Variants in STRA6 observed in about 807,000 individuals in gnomAD.
The protein encoded by STRA6 is signaling receptor and transporter of retinol STRA6, also known as receptor for retinol uptake STRA6.
In STRA6, 48 loss-of-function variants were observed where a neutral mutation model predicts 83.6. The observed-to-expected ratio is 0.57, with a 90% CI of 0.46 to 0.73. The LOEUF (loss-of-function observed/expected upper bound fraction) is 0.73. Among genes scored for constraint, STRA6 ranks in the 30% least tolerant of loss-of-function variants. STRA6 has a pLI of 0.00. For missense variants in STRA6, 760 were observed against 838.8 expected (o/e 0.91, Z 1.16); for synonymous variants, 353 against 362.3 (o/e 0.97, Z 0.29).
chr15:74,210,684 G>C (rs1271867167), upstream of STRA6, among the ~76,000 whole-genome samples: 1 of 152,196 alleles, frequency 6.6e-6, no homozygotes, highest in South Asian at 2.1e-4. Flanking sequence ...GAGCTGTGAA[G>C]GCATCACTGA....
At chr15:74,182,537 A>C in intron 14 of STRA6, 77 bp from the exon 15 acceptor site, 1 of 1,274,086 alleles carries the variant, frequency 7.8e-7, no homozygotes, top group Non-Finnish European at 1.1e-6. Context: ...CCCCAGAACC[A>C]AGGGCTTTGG....
rs192349455 is a variant in STRA6 at position 74,202,346 on chromosome 15, A to G, written c.-15-64T>C. On this transcript the variant is annotated intron_variant, in intron 1 of 18. Coordinates refer to ENST00000395105, the MANE Select transcript of STRA6 (RefSeq NM_022369.4). ...ATGTGAAAAGAGGCTTAAAAGAGAA[A>G]AAAAAAGAAAGAAAGACGGAAAACC... The G allele has an allele frequency of 1.5e-4, 229 of 1,570,020 alleles. 1 individual carries two copies. The East Asian group carries it at 5.1e-3, about 35-fold the overall frequency.
rs1050220574 is a variant in STRA6, at chr15:74,185,762, G to A, written c.1091-707C>T. On this transcript the variant is annotated intron_variant, in intron 12 of 18. Transcript: ENST00000395105. ...CTGGACTGTAACAGCAACCCCGCAA[G>A]GTTAGACAGAAGAACTGTTCCCACT... Among the ~76,000 whole-genome samples the A allele has an allele frequency of 2.6e-5, 4 of 152,256 alleles. No homozygotes were observed. In the South Asian group the frequency reaches 6.2e-4, roughly 24 times the overall value.
At chr15:74,199,115 G>A (rs1461713608) in intron 2 of STRA6, among the ~76,000 whole-genome samples, 1 of 152,224 alleles carries the variant, frequency 6.6e-6, no homozygotes, top group East Asian at 1.9e-4. Context: ...TGGAGCCTGG[G>A]CTGCCGCCAG....
intron 8 of STRA6, 53 bp downstream of exon 8, chr15:74,193,747 G>C: frequency 6.2e-7 from 1 of 1,608,446 alleles, no homozygotes; most frequent in Non-Finnish European, 8.5e-7. Flanking sequence ...ATACGGGGGA[G>C]TAGGGCTGTC....
rs2073381220 is a variant in STRA6 at position 74,188,712 on chromosome 15, C to T, written c.1090+403G>A. 6.6e-6 allele frequency among the ~76,000 whole-genome samples: 1 copy of T among 152,202 alleles called. No individual in the cohort carries two copies. Among genetic ancestry groups the T allele is most frequent in the Non-Finnish European group, 1.5e-5 (1 of 68,030 alleles). On this transcript the variant is annotated intron_variant, in intron 12 of 18. Coordinates refer to ENST00000395105, the MANE Select transcript of STRA6 (RefSeq NM_022369.4). This position sits in a 1 kb window ranked among gnomAD's most constrained non-coding sequence, Gnocchi z 4.5. ...GGGAGTGGGGAAGAGAAAGCCTGTG[C>T]CCTGCCCAACGCCAGACCCCTGCCA...
chr15:74,197,232 T>G (rs550423009), intron 4 of STRA6, 106 bp downstream of exon 4: 320 of 811,960 alleles, frequency 3.9e-4, no homozygotes, highest in Admixed American at 1.1e-3. Flanking sequence ...AGGGATGTCA[T>G]TAAAGCCAGA....
At chr15:74,194,953 C>A (rs1266262830) in intron 7 of STRA6, 2 of 1,429,740 alleles carry the variant, frequency 1.4e-6, no homozygotes, top group East Asian at 2.5e-5. Context: ...AAGCTTCACT[C>A]CCATTCCCTC....
intron 11 of STRA6, among the ~76,000 whole-genome samples, chr15:74,189,943 T>C (rs2073451254): frequency 6.6e-6 from 1 of 152,176 alleles, no homozygotes; most frequent in African/African-American, 2.4e-5. Flanking sequence ...ATTACAGGTG[T>C]GAGCCACCAC....
At chr15:74,182,742 A>C (rs1292532719) in intron 14 of STRA6, 3 of 437,080 alleles carry the variant, frequency 6.9e-6, no homozygotes, top group Admixed American at 3.6e-5. Context: ...AATACTTTGC[A>C]AATGTTATTT....
intron 1 of STRA6, 67 bp from the exon 2 acceptor site, chr15:74,202,349 AAAAG>A (rs1021880435): frequency 7.4e-5 from 116 of 1,565,684 alleles, no homozygotes; most frequent in Non-Finnish European, 9.2e-5. Context: ...AAGAGAAAAA[AAAAG>A]AAAGAAAGAC....
intron 18 of STRA6, 141 bp downstream of exon 18, chr15:74,180,641 G>A: frequency 3.4e-6 from 4 of 1,183,460 alleles, no homozygotes; most frequent in Non-Finnish European, 4.7e-6. Context: ...ATCAGACCAG[G>A]AGGGGTGACC....
In STRA6 at chr15:74,195,330, T is replaced by G. The variant is rs1167208173; in HGVS notation, c.569A>C (p.Gln190Pro). Residue 190 changes from glutamine (Q) to proline (P), a missense_variant, in exon 7 of 19, where the codon CAG (glutamine) becomes CCG (proline). Physicochemically the swap from Gln to Pro is moderately conservative, Grantham distance 76. Transcript: ENST00000395105. Reference protein sequence around the residue: ...SWAHLGVQVWQRAECPQVPKI... With the variant: ...SWAHLGVQVWPRAECPQVPKI... ...GGGCACCTGGGGACACTCTGCCCTCTGCCAGACCTGGACCCCAAGGTGGGC... is the reference window on the plus strand; with the variant it reads ...GGGCACCTGGGGACACTCTGCCCTCGGCCAGACCTGGACCCCAAGGTGGGC... 2.5e-6 allele frequency: 4 copies of G among 1,613,116 alleles called. No homozygotes were observed. Among genetic ancestry groups the G allele is most frequent in the Non-Finnish European group, 3.4e-6 (4 of 1,179,972 alleles).
At chr15:74,193,740 C>A (rs983821012) in intron 8 of STRA6, 60 bp downstream of exon 8, 9 of 1,606,076 alleles carry the variant, frequency 5.6e-6, no homozygotes, top group Middle Eastern at 1.7e-4. Flanking sequence ...ACCACAGATA[C>A]GGGGGAGTAG....
At position 74,189,105 on chromosome 15, in the gene STRA6, G is replaced by A; in HGVS notation, c.1090+10C>T. On this transcript the variant is annotated intron_variant, in intron 12 of 18. Transcript: ENST00000395105. The stretch of plus-strand genomic sequence containing the variant: ...CACTGCAGCCCTCAGGGGCTCCCTG[G>A]AGGCCTCACCTTCCAGAGCCCACAG... 2 of 1,613,896 alleles carry A rather than the reference G, an allele frequency of 1.2e-6. No homozygotes were observed. The highest frequency in any genetic ancestry group is 1.7e-6 in the Non-Finnish European group (2 of 1,179,986).
rs1050798488 is a variant in STRA6 at position 74,188,710 on chromosome 15, T to C, written c.1090+405A>G. Among the ~76,000 whole-genome samples the C allele has an allele frequency of 2.2e-4, 33 of 152,168 alleles. No individual in the cohort carries two copies. The highest frequency in any genetic ancestry group is 6.8e-4 in the African/African-American group (28 of 41,430). Reference sequence around the variant, plus strand: ...CAGGGAGTGGGGAAGAGAAAGCCTGTGCCCTGCCCAACGCCAGACCCCTGC... The same window carrying C: ...CAGGGAGTGGGGAAGAGAAAGCCTGCGCCCTGCCCAACGCCAGACCCCTGC... On this transcript the variant is annotated intron_variant, in intron 12 of 18. Transcript: ENST00000395105. The surrounding 1 kb of genome is among the most constrained non-coding windows in gnomAD (Gnocchi z 4.5).
rs751450414 is a variant in STRA6, at chr15:74,197,436, T to C, written c.181-13A>G. ...GCAGCACAAGGATCTGAAAGGAGAG[T>C]GCAGAGGAGGGCTTGGGGTGCCCAG... is the stretch of plus-strand genomic sequence containing the variant. On this transcript the variant is annotated splice_polypyrimidine_tract_variant and intron_variant, in intron 3 of 18. Coordinates refer to ENST00000395105, the MANE Select transcript of STRA6 (RefSeq NM_022369.4). 2 of 1,549,544 alleles carry C rather than the reference T, an allele frequency of 1.3e-6. No individual in the cohort carries two copies. The highest frequency in any genetic ancestry group is 1.7e-6 in the Non-Finnish European group (2 of 1,146,410).
Position 74,180,201 on chromosome 15 carries a change from G to T in STRA6, c.1883C>A (p.Ala628Asp). The T allele has an allele frequency of 6.2e-7, 1 of 1,614,108 alleles. No individual in the cohort carries two copies. The highest frequency in any genetic ancestry group is 8.5e-7 in the Non-Finnish European group (1 of 1,180,028). ...CCTGCCGCGGCTGGCCCCGGGCCTA[G>T]CTCCCTTGGCCATGGAGTCCTTTGT... ...LQTKDSMAKG[A>D]RPGASRGRAR... Residue 628 changes from alanine (A) to aspartate (D), a missense_variant, in exon 19 of 19, where the codon GCT becomes GAT. By Grantham distance (126) the Ala-to-Asp change is moderately radical (BLOSUM62 -2). Coordinates refer to ENST00000395105, the MANE Select transcript of STRA6 (RefSeq NM_022369.4).
At chr15:74,200,389 G>A (rs2074004481) in intron 2 of STRA6, among the ~76,000 whole-genome samples, 1 of 152,206 alleles carries the variant, frequency 6.6e-6, no homozygotes, top group South Asian at 2.1e-4. Context: ...CAGGTGAGAT[G>A]AGGTTACAGC....
Sources: gnomAD v4.1 joint callset for allele counts (sites outside exome capture counted in the v4.1 genomes callset) on GRCh38, gnomAD v4.1.1 for gene constraint, Gnocchi (gnomAD v3.1) non-coding constraint, MANE v1.5 for transcripts, NCBI Gene and HGNC (gene_info 2026-07-23, HGNC 2026-07-21) for gene names.